Variants in ECI2 observed in about 807,000 individuals in gnomAD.
ECI2 encodes D3,D2-enoyl-CoA isomerase.
A neutral mutation model predicts 38.4 loss-of-function variants in ECI2; 27 were observed. The observed-to-expected ratio is 0.70, with a 90% CI of 0.52 to 0.97. The LOEUF is 0.97. Among genes scored for constraint, ECI2 ranks in the 50% least tolerant of loss-of-function variants. ECI2 has a pLI of 0.00. For synonymous variants in ECI2, 168 were observed against 172.0 expected, an observed-to-expected ratio of 0.98 and a Z score of 0.18; for missense variants, 470 against 474.4, an observed-to-expected ratio of 0.99 and a Z score of 0.09.
intron 7 of ECI2, among the ~76,000 whole-genome samples, chr6:4,120,491 C>T (rs141589971): frequency 0.012 from 1,852 of 152,232 alleles, 32 homozygotes; most frequent in African/African-American, 0.041. Context: ...CTTTGGGAGG[C>T]AGAGGTGGGC....
intron 2 of ECI2, among the ~76,000 whole-genome samples, chr6:4,132,731 T>C (rs1319583688): frequency 6.6e-6 from 1 of 152,142 alleles, no homozygotes; most frequent in Non-Finnish European, 1.5e-5. Flanking sequence ...TCAACAATTA[T>C]CAAACTGCCT....
At chr6:4,131,298 T>C (rs1293618054) in intron 2 of ECI2, among the ~76,000 whole-genome samples, 1 of 152,108 alleles carries the variant, frequency 6.6e-6, no homozygotes, top group Non-Finnish European at 1.5e-5. Context: ...AATTCAGTGG[T>C]GGACTTTTGG....
intron 7 of ECI2, among the ~76,000 whole-genome samples, chr6:4,121,037 T>C (rs1772708183): frequency 6.6e-6 from 1 of 152,198 alleles, no homozygotes; most frequent in African/African-American, 2.4e-5. Context: ...TAGACTGTTT[T>C]CTAGAGTGGT....
chr6:4,117,310 T>C lies in ECI2; in HGVS notation c.1027A>G (p.Asn343Asp). The C allele has an allele frequency of 6.3e-7, 1 of 1,594,166 alleles. No homozygotes were observed. Among genetic ancestry groups the C allele is most frequent in the African/African-American group, 1.4e-5 (1 of 73,450 alleles). ...AGAAGTAAAAGATGAATACTAACAT[T>C]TGGGGGAAGCTTTGCAAATGCCTTC... Reference protein sequence around the residue: ...RLKAFAKLPPNALRISKEVIR... With the variant: ...RLKAFAKLPPDALRISKEVIR... Residue 343 changes from asparagine to aspartate, a missense_variant and splice_region_variant, in exon 9 of 10, where the codon AAT (asparagine) becomes GAT (aspartate). Physicochemically the swap from Asn to Asp is conservative, Grantham distance 23. Coordinates refer to ENST00000380118, the MANE Select transcript of ECI2 (RefSeq NM_206836.3).
At chr6:4,131,401 A>T (rs1421633735) in intron 2 of ECI2, among the ~76,000 whole-genome samples, 1 of 152,222 alleles carries the variant, frequency 6.6e-6, no homozygotes, top group Non-Finnish European at 1.5e-5. Context: ...ATGTAAGTAA[A>T]AAGCAAAAAG....
chr6:4,127,801 C>CT lies in ECI2; in HGVS notation c.531dup (p.Ala178SerfsTer6). On this transcript the variant is annotated frameshift_variant, in exon 5 of 10. Transcript: ENST00000380118. LOFTEE classifies it high-confidence loss of function. ...ATGATTGAGTCATCCTTGCTGGCAG[C>CT]TTTAAGTGCACGCATAATTTCATGA... 1 of 1,613,222 alleles carries CT rather than the reference C, an allele frequency of 6.2e-7. No individual in the cohort carries two copies. Among genetic ancestry groups the CT allele is most frequent in the Non-Finnish European group, 8.5e-7 (1 of 1,179,636 alleles).
intron 4 of ECI2, among the ~76,000 whole-genome samples, chr6:4,129,570 C>T (rs932857586): frequency 3.3e-5 from 5 of 152,180 alleles, no homozygotes; most frequent in Admixed American, 1.3e-4. Flanking sequence ...ACTCATTAGA[C>T]ACTCTGTACA....
intron 7 of ECI2, among the ~76,000 whole-genome samples, chr6:4,121,739 GAATA>G (rs1414989884): frequency 1.3e-4 from 19 of 148,318 alleles, no homozygotes; most frequent in Admixed American, 1.1e-3. Context: ...GTTTCTTAAT[GAATA>G]AATTATGAAA....
At chr6:4,130,089 T>C (rs1773423486) in intron 4 of ECI2, 3 of 1,608,524 alleles carry the variant, frequency 1.9e-6, no homozygotes, top group Non-Finnish European at 2.5e-6. Flanking sequence ...ATGCAAATTC[T>C]CTCATAGCAA....
intron 7 of ECI2, among the ~76,000 whole-genome samples, chr6:4,119,845 A>G (rs1485492547): frequency 1.3e-5 from 2 of 151,956 alleles, no homozygotes; most frequent in Non-Finnish European, 2.9e-5. Context: ...TTCTGTAGTC[A>G]GTCCCTCCCT....
At chr6:4,121,820 G>A (rs117432054) in intron 7 of ECI2, 297 of 378,482 alleles carry the variant, frequency 7.8e-4, no homozygotes, top group East Asian at 1.1e-3. Flanking sequence ...AATCAGACAC[G>A]CTGTTGTTTT....
chr6:4,119,395 A>G, intron 7 of ECI2, 120 bp from the exon 8 acceptor site: 3 of 646,884 alleles, frequency 4.6e-6, no homozygotes, highest in Non-Finnish European at 7.7e-6. Flanking sequence ...ATCTCGGCTC[A>G]CTGCAACCTC....
At chr6:4,135,252 G>T in intron 1 of ECI2, 1 of 1,083,012 alleles carries the variant, frequency 9.2e-7, no homozygotes, top group African/African-American at 1.6e-5. Flanking sequence ...GGCAGGCGGA[G>T]ACCTTGGGGA....
intron 4 of ECI2, among the ~76,000 whole-genome samples, chr6:4,129,772 T>C (rs867709976): frequency 6.6e-6 from 1 of 152,168 alleles, no homozygotes; most frequent in African/African-American, 2.4e-5. Context: ...TCCTCTGAAA[T>C]TTTAGTCCCA....
chr6:4,124,236 A>G (rs1772997217), intron 7 of ECI2, among the ~76,000 whole-genome samples: 1 of 152,168 alleles, frequency 6.6e-6, no homozygotes, highest in Non-Finnish European at 1.5e-5. Context: ...CTAGAATCTC[A>G]TTTGCTAATT....
chr6:4,125,160 C>T (rs1773059415), intron 7 of ECI2, 90 bp downstream of exon 7: 9 of 1,553,542 alleles, frequency 5.8e-6, no homozygotes, highest in East Asian at 4.5e-5. Context: ...AACATGTAAC[C>T]TGCTTATGAC....
At chr6:4,125,596 T>A in intron 6 of ECI2, 1 of 587,216 alleles carries the variant, frequency 1.7e-6, no homozygotes, top group Non-Finnish European at 3.0e-6. Flanking sequence ...GTGAGACCTA[T>A]GGGTCAACCC....
intron 4 of ECI2, among the ~76,000 whole-genome samples, chr6:4,128,178 G>A (rs1439432054): frequency 6.6e-6 from 1 of 151,712 alleles, no homozygotes; most frequent in East Asian, 1.9e-4. Context: ...TGAGGAGGGG[G>A]TTGGAAAGTA....
At chr6:4,124,639 A>T (rs1335737680) in intron 7 of ECI2, among the ~76,000 whole-genome samples, 1 of 152,150 alleles carries the variant, frequency 6.6e-6, no homozygotes, top group Admixed American at 6.5e-5. Flanking sequence ...AGTGATTTTT[A>T]CCTTGTAGCT....
Sources: gnomAD v4.1 joint callset for allele counts (sites outside exome capture counted in the v4.1 genomes callset) on GRCh38, gnomAD v4.1.1 for gene constraint, MANE v1.5 for transcripts, NCBI Gene and HGNC (gene_info 2026-07-23, HGNC 2026-07-21) for gene names.